The following PRICKLE1 variants were observed in gnomAD, a reference collection of about 807,000 sequenced individuals.
PRICKLE1 encodes the protein prickle-like protein 1.
Under a neutral mutation model 70.2 loss-of-function variants are expected in PRICKLE1, and 14 were observed. The observed-to-expected ratio is 0.20, with a 90% CI of 0.13 to 0.31. PRICKLE1 has a LOEUF of 0.31. Among genes scored for constraint, PRICKLE1 ranks in the 10% least tolerant of loss-of-function variants. The probability of loss-of-function intolerance (pLI) is 1.00; values close to 1 mark genes in which losing one functional copy is unlikely to be tolerated. For missense variants in PRICKLE1, 821 were observed against 1,026.2 expected (o/e 0.80, Z 2.73); for synonymous variants, 357 against 379.9 (o/e 0.94, Z 0.70).
At chr12:42,497,017 A>G (rs984749738) in intron 1 of PRICKLE1, among the ~76,000 whole-genome samples, 1 of 152,224 alleles carries the variant, frequency 6.6e-6, no homozygotes, top group Non-Finnish European at 1.5e-5. Context: ...CAAGAGGACT[A>G]GCTTTTGGCC....
intron 1 of PRICKLE1, among the ~76,000 whole-genome samples, chr12:42,539,775 T>C (rs1454492611): frequency 6.6e-6 from 1 of 152,242 alleles, no homozygotes; most frequent in Non-Finnish European, 1.5e-5. Context: ...CCTTTGTGCC[T>C]TCTTAAATGT....
intron 1 of PRICKLE1, among the ~76,000 whole-genome samples, chr12:42,535,417 G>A (rs1940000064): frequency 6.6e-6 from 1 of 152,196 alleles, no homozygotes; most frequent in Non-Finnish European, 1.5e-5. Flanking sequence ...TTTTCAAACA[G>A]AACAGACCTG....
chr12:42,551,444 T>C (rs1940315710), intron 1 of PRICKLE1, among the ~76,000 whole-genome samples: 1 of 150,744 alleles, frequency 6.6e-6, no homozygotes, highest in South Asian at 2.1e-4. Flanking sequence ...AAGCTCCCAG[T>C]AATACTAACT....
chr12:42,491,587 CA>C (rs1340156522), intron 1 of PRICKLE1, among the ~76,000 whole-genome samples: 1 of 151,984 alleles, frequency 6.6e-6, no homozygotes, highest in East Asian at 1.9e-4. Context: ...TAAAAGAGCT[CA>C]GGGGCCTATC....
At chr12:42,461,604 CT>C (rs1331268744) in intron 7 of PRICKLE1, among the ~76,000 whole-genome samples, 1 of 152,230 alleles carries the variant, frequency 6.6e-6, no homozygotes, top group Non-Finnish European at 1.5e-5. Context: ...TGCTCAACCC[CT>C]GACCTAGATC....
chr12:42,562,733 G>A (rs1481061232), intron 1 of PRICKLE1, among the ~76,000 whole-genome samples: 1 of 152,104 alleles, frequency 6.6e-6, no homozygotes, highest in Non-Finnish European at 1.5e-5. Context: ...ATTATCTGAA[G>A]AGTGGCTTCA....
intron 1 of PRICKLE1, among the ~76,000 whole-genome samples, chr12:42,477,464 ATGTGTGTGTGTGTG>A (rs1242662444): frequency 9.3e-6 from 1 of 107,752 alleles, no homozygotes; most frequent in Non-Finnish European, 2.1e-5. Flanking sequence ...ATACGTATAT[ATGTGTGTGTGTGTG>A]TGTGTATATA....
At chr12:42,462,127 C>A (rs1686268637) in intron 7 of PRICKLE1, among the ~76,000 whole-genome samples, 1 of 152,006 alleles carries the variant, frequency 6.6e-6, no homozygotes, top group Non-Finnish European at 1.5e-5. Context: ...TTAAAGGGGG[C>A]CTATTTTTCA....
At chr12:42,505,515 A>T (rs1939393430) in intron 1 of PRICKLE1, among the ~76,000 whole-genome samples, 1 of 150,954 alleles carries the variant, frequency 6.6e-6, no homozygotes, top group Non-Finnish European at 1.5e-5. Context: ...GGCTCACTGC[A>T]ACCTCTGCCT....
At chr12:42,476,581 G>A (rs2140137024) in intron 1 of PRICKLE1, among the ~76,000 whole-genome samples, 1 of 152,354 alleles carries the variant, frequency 6.6e-6, no homozygotes, top group African/African-American at 2.4e-5. Flanking sequence ...CTCCCAAAGT[G>A]CTGGGATTAC....
chr12:42,527,280 G>A (rs575868165), intron 1 of PRICKLE1, among the ~76,000 whole-genome samples: 2 of 151,764 alleles, frequency 1.3e-5, no homozygotes, highest in African/African-American at 2.4e-5. Context: ...CTACAGGTGC[G>A]CTCCACCATA....
chr12:42,529,935 T>A (rs1566115148), intron 1 of PRICKLE1, among the ~76,000 whole-genome samples: 1 of 47,002 alleles, frequency 2.1e-5, no homozygotes, highest in Non-Finnish European at 6.5e-5. Flanking sequence ...TTTCCTTCCT[T>A]CCTTTCTTCC....
intron 7 of PRICKLE1, 27 bp from the exon 8 acceptor site, chr12:42,460,692 G>A: frequency 6.2e-7 from 1 of 1,603,154 alleles, no homozygotes; most frequent in Admixed American, 1.7e-5. Context: ...AACAAGATGT[G>A]CTTCTCAATC....
intron 1 of PRICKLE1, among the ~76,000 whole-genome samples, chr12:42,545,466 T>C (rs935973900): frequency 1.3e-5 from 2 of 152,230 alleles, no homozygotes; most frequent in Non-Finnish European, 2.9e-5. Flanking sequence ...GGAAGAGAAA[T>C]ACATAATTTC....
intron 1 of PRICKLE1, among the ~76,000 whole-genome samples, chr12:42,486,610 G>A (rs1309373922): frequency 6.8e-6 from 1 of 147,680 alleles, no homozygotes; most frequent in Non-Finnish European, 1.5e-5. Flanking sequence ...CTGGTAGAAA[G>A]AGATAAAGGA....
rs77130736 is a variant in PRICKLE1 at position 42,556,638 on chromosome 12, T to C, written c.-49+32827A>G. On this transcript the variant is annotated intron_variant, in intron 1 of 7. Transcript: ENST00000345127. Reference sequence around the variant, plus strand: ...AGTAGGGACCTTAATGAATCTTTATTAAGTGACTGAACAAATGAGTTTTAT... The same window carrying C: ...AGTAGGGACCTTAATGAATCTTTATCAAGTGACTGAACAAATGAGTTTTAT... Among the ~76,000 whole-genome samples, 626 of 152,264 alleles carry C rather than the reference T, an allele frequency of 4.1e-3. 9 individuals are homozygous for C. The South Asian group carries it at 0.044, about 11-fold the overall frequency.
intron 1 of PRICKLE1, among the ~76,000 whole-genome samples, chr12:42,502,597 C>G (rs752786065): frequency 6.6e-6 from 1 of 152,264 alleles, no homozygotes; most frequent in Non-Finnish European, 1.5e-5. Flanking sequence ...AAGCATGAAC[C>G]ACCATGTCTG....
chr12:42,521,043 C>T (rs1025652656), intron 1 of PRICKLE1, among the ~76,000 whole-genome samples: 12 of 152,016 alleles, frequency 7.9e-5, no homozygotes, highest in African/African-American at 1.9e-4. Context: ...TGCTGGTGCA[C>T]GCCTGTAATC....
intron 1 of PRICKLE1, among the ~76,000 whole-genome samples, chr12:42,490,740 A>G (rs114840362): frequency 1.1e-3 from 162 of 152,312 alleles, no homozygotes; most frequent in African/African-American, 3.7e-3. Context: ...CAGTATATCC[A>G]TGGTTTACTT....
Sources: allele counts gnomAD v4.1 joint callset (sites outside exome capture counted in the v4.1 genomes callset), GRCh38; gene constraint gnomAD v4.1.1; transcripts MANE v1.5; gene names NCBI Gene and HGNC (gene_info 2026-07-23, HGNC 2026-07-21).